The following TRIM5 variants were observed in gnomAD, a reference collection of about 807,000 sequenced individuals.
The protein encoded by TRIM5 is tripartite motif containing 5, also known as tripartite motif-containing protein 5.
In TRIM5, 31 loss-of-function variants were observed where a neutral mutation model predicts 35.6. The observed-to-expected ratio is 0.87, with a 90% confidence interval of 0.65 to 1.18. The LOEUF (loss-of-function observed/expected upper bound fraction) is 1.18. TRIM5 is among the 50% of genes most tolerant of loss of function. The probability of loss-of-function intolerance (pLI) is 0.00; values close to 1 mark genes in which losing one functional copy is unlikely to be tolerated. For missense variants in TRIM5, 609 were observed against 591.6 expected (o/e 1.03, Z -0.31); for synonymous variants, 243 against 215.6 (o/e 1.13, Z -1.11).
chr11:5,610,349 G>A, the TRIM5 span: 1 of 1,576,272 alleles, frequency 6.3e-7, no homozygotes, highest in African/African-American at 1.3e-5. Context: ...TGGCAAAGAG[G>A]GAGGTCCCAG....
At chr11:5,649,573 G>C in the TRIM5 span, among the ~76,000 whole-genome samples, 1 of 152,134 alleles carries the variant, frequency 6.6e-6, no homozygotes, top group Non-Finnish European at 1.5e-5. Context: ...TTGCCTGTTG[G>C]TTCAGAGGCA....
the TRIM5 span, chr11:5,596,749 G>T: frequency 8.1e-7 from 1 of 1,241,244 alleles, no homozygotes; most frequent in Non-Finnish European, 1.2e-6. Flanking sequence ...ACGGAACGGA[G>T]CAGAGTCGTG....
At chr11:5,622,740 C>T in the TRIM5 span, among the ~76,000 whole-genome samples, 11 of 152,308 alleles carry the variant, frequency 7.2e-5, no homozygotes, top group East Asian at 2.1e-3. Flanking sequence ...CATCTCAACA[C>T]ATGCTTTAAC....
At chr11:5,636,694 T>G in the TRIM5 span, among the ~76,000 whole-genome samples, 1 of 152,210 alleles carries the variant, frequency 6.6e-6, no homozygotes. Context: ...TTTGGTCACT[T>G]GGAATTTAAA....
chr11:5,601,505 C>A, the TRIM5 span, among the ~76,000 whole-genome samples: 2 of 152,114 alleles, frequency 1.3e-5, no homozygotes, highest in East Asian at 1.9e-4. Context: ...CGCTTGTAAT[C>A]CCAGCACTTT....
chr11:5,607,198 C>T, the TRIM5 span, among the ~76,000 whole-genome samples: 5 of 150,722 alleles, frequency 3.3e-5, no homozygotes, highest in African/African-American at 4.9e-5. Flanking sequence ...AGCAAGACTC[C>T]ATCTCAAAAA....
chr11:5,627,006 G>A, the TRIM5 span, among the ~76,000 whole-genome samples: 34 of 152,156 alleles, frequency 2.2e-4, no homozygotes, highest in Non-Finnish European at 4.3e-4. Context: ...TTGAACAGGA[G>A]AGTGACATGA....
chr11:5,632,171 G>T, the TRIM5 span: 5 of 1,502,162 alleles, frequency 3.3e-6, no homozygotes, highest in Non-Finnish European at 4.4e-6. Flanking sequence ...TGATATTGCA[G>T]TCTCGGCCAG....
At chr11:5,638,862 C>T in the TRIM5 span, among the ~76,000 whole-genome samples, 1 of 152,004 alleles carries the variant, frequency 6.6e-6, no homozygotes, top group East Asian at 1.9e-4. Context: ...CAACTGGTTA[C>T]AGGGAGAAGG....
At position 5,682,816 on chromosome 11, in the gene TRIM5, G is replaced by A. The variant is rs927351905; in HGVS notation, c.-62+2052C>T. 3.9e-5 allele frequency among the ~76,000 whole-genome samples: 6 copies of A among 152,334 alleles called. No homozygotes were observed. In the East Asian group the frequency reaches 9.6e-4, roughly 24 times the overall value. On this transcript the variant is annotated intron_variant, in intron 1 of 7. Coordinates refer to ENST00000380034, the MANE Select transcript of TRIM5 (RefSeq NM_033034.3). ...CTTGCAGCCCTCACTCGCTCTTGGC[G>A]CCTCCTCTGCCTGGGCTCCCACTTT...
At chr11:5,657,557 TTA>T in the TRIM5 span, among the ~76,000 whole-genome samples, 12 of 96,222 alleles carry the variant, frequency 1.2e-4, no homozygotes, top group South Asian at 2.7e-4. Flanking sequence ...TATAATGCAT[TTA>T]TATATATTAT....
At chr11:5,655,593 A>T in the TRIM5 span, 1 of 956,148 alleles carries the variant, frequency 1.0e-6, no homozygotes, top group Non-Finnish European at 1.2e-6. Flanking sequence ...GTCATCCTAC[A>T]TGAATAGCAT....
intron 4 of TRIM5, 126 bp downstream of exon 4, chr11:5,678,078 A>G (rs1406982302): frequency 2.8e-6 from 2 of 714,610 alleles, no homozygotes; most frequent in African/African-American, 3.6e-5. Flanking sequence ...TAACTTCAGC[A>G]ATTGATTCAG....
At chr11:5,632,102 A>G in the TRIM5 span, among the ~76,000 whole-genome samples, 2 of 152,228 alleles carry the variant, frequency 1.3e-5, no homozygotes, top group Non-Finnish European at 2.9e-5. Flanking sequence ...AGGCATTAAC[A>G]GCTCGCCCAG....
the TRIM5 span, chr11:5,610,685 G>T: frequency 6.4e-7 from 1 of 1,571,088 alleles, no homozygotes. Flanking sequence ...TATAGTTCCA[G>T]TTCCTCCAAC....
the TRIM5 span, chr11:5,604,747 C>G: frequency 2.8e-6 from 3 of 1,088,848 alleles, no homozygotes; most frequent in African/African-American, 4.8e-5. Flanking sequence ...GAAGAGCTTC[C>G]CTTTGCCTGG....
At chr11:5,590,248 G>C in the TRIM5 span, 1 of 166,502 alleles carries the variant, frequency 6.0e-6, no homozygotes, top group East Asian at 1.9e-4. Flanking sequence ...GACCACCCAA[G>C]GGCTGAGGAG....
chr11:5,609,868 A>G, the TRIM5 span, among the ~76,000 whole-genome samples: 1 of 152,192 alleles, frequency 6.6e-6, no homozygotes, highest in Non-Finnish European at 1.5e-5. Flanking sequence ...GGTTGCAGTG[A>G]GCCGAGATCG....
At chr11:5,650,465 T>A in the TRIM5 span, among the ~76,000 whole-genome samples, 1 of 152,206 alleles carries the variant, frequency 6.6e-6, no homozygotes, top group Admixed American at 6.5e-5. Context: ...TACCTTCATA[T>A]CGTACAGAAC....
Sources: gnomAD v4.1 joint callset for allele counts (sites outside exome capture counted in the v4.1 genomes callset) on GRCh38, gnomAD v4.1.1 for gene constraint, MANE v1.5 for transcripts, NCBI Gene and HGNC (gene_info 2026-07-23, HGNC 2026-07-21) for gene names.